Variants in SLAMF7 observed in about 807,000 individuals in gnomAD.
SLAMF7 encodes the protein 19A24 protein.
SLAMF7 carries 26 observed loss-of-function variants against 34.1 expected under a neutral mutation model. The observed-to-expected ratio is 0.76, with a 90% CI of 0.56 to 1.06. The LOEUF (loss-of-function observed/expected upper bound fraction) is 1.06. SLAMF7 is among the 50% of genes least tolerant of loss of function. The probability of loss-of-function intolerance (pLI) is 0.00; values close to 1 mark genes in which losing one functional copy is unlikely to be tolerated. For missense variants in SLAMF7, 399 were observed against 402.5 expected (o/e 0.99, Z 0.07); for synonymous variants, 171 against 156.4 (o/e 1.09, Z -0.70).
intron 2 of SLAMF7, among the ~76,000 whole-genome samples, chr1:160,749,412 C>T (rs1241464394): frequency 2.6e-5 from 4 of 151,968 alleles, no homozygotes; most frequent in East Asian, 3.9e-4. Context: ...AGGGCTACTC[C>T]AACACAATTT....
In SLAMF7 at chr1:160,748,428, A is replaced by AGAAT. The variant is rs762578129; in HGVS notation, c.293_296dup (p.Asp99GlufsTer2). 64 of 1,614,024 alleles carry AGAAT rather than the reference A, an allele frequency of 4.0e-5. No homozygotes were observed. The highest frequency in any genetic ancestry group is 5.4e-5 in the Non-Finnish European group (64 of 1,179,992). On this transcript the variant is annotated frameshift_variant, in exon 2 of 7. Coordinates refer to ENST00000368043, the MANE Select transcript of SLAMF7 (RefSeq NM_021181.5). LOFTEE classifies it high-confidence loss of function. ...TCCCTGAAGCTCAGCAAACTGAAGA[A>AGAAT]GAATGACTCAGGGATCTACTATGTG... is the stretch of plus-strand genomic sequence containing the variant.
rs774131594 is a variant in SLAMF7, at chr1:160,750,043, C to T, written c.599C>T (p.Pro200Leu). The T allele has an allele frequency of 4.3e-6, 7 of 1,614,036 alleles. No individual in the cohort carries two copies. The highest frequency in any genetic ancestry group is 5.9e-6 in the Non-Finnish European group (7 of 1,180,004). The stretch of plus-strand genomic sequence containing the variant: ...ACCTTCATCTGCGTTGCCAGGAACC[C>T]TGTCAGCAGAAACTTCTCAAGCCCC... Reference protein sequence around the residue: ...DMTFICVARNPVSRNFSSPIL... With the variant: ...DMTFICVARNLVSRNFSSPIL... The change falls in exon 3 of 7, where the codon CCT (proline) becomes CTT (leucine). Residue 200 changes from proline to leucine, a missense_variant. Coordinates refer to ENST00000368043, the MANE Select transcript of SLAMF7 (RefSeq NM_021181.5).
Position 160,752,169 on chromosome 1 carries a change from T to C in SLAMF7, c.874-17T>C. The C allele has an allele frequency of 6.2e-7, 1 of 1,606,410 alleles. No individual in the cohort carries two copies. The highest frequency in any genetic ancestry group is 8.5e-7 in the Non-Finnish European group (1 of 1,173,582). On this transcript the variant is annotated splice_polypyrimidine_tract_variant and intron_variant, in intron 5 of 6. Transcript: ENST00000368043. ...GGTGGGTGATGATTTCTTTTGTTTG[T>C]TGTTTGTTTTTAAAAGAGAACAATC...
intron 1 of SLAMF7, among the ~76,000 whole-genome samples, chr1:160,744,043 C>G (rs963884241): frequency 6.6e-6 from 1 of 152,168 alleles, no homozygotes; most frequent in Non-Finnish European, 1.5e-5. Flanking sequence ...CTACCAACTC[C>G]GTAAGTGCCA....
At chr1:160,740,203 C>A (rs1571098174) in intron 1 of SLAMF7, among the ~76,000 whole-genome samples, 1 of 151,928 alleles carries the variant, frequency 6.6e-6, no homozygotes, top group East Asian at 1.9e-4. Flanking sequence ...AGACTCTTAC[C>A]CACTTTGAAT....
intron 1 of SLAMF7, among the ~76,000 whole-genome samples, chr1:160,742,440 C>T (rs1211045806): frequency 6.6e-6 from 1 of 152,182 alleles, no homozygotes; most frequent in Non-Finnish European, 1.5e-5. Context: ...TGGGATATCT[C>T]TGTTTCTCAT....
At chr1:160,746,153 A>G (rs1001937388) in intron 1 of SLAMF7, among the ~76,000 whole-genome samples, 5 of 152,232 alleles carry the variant, frequency 3.3e-5, no homozygotes, top group Non-Finnish European at 5.9e-5. Flanking sequence ...AAGGCCCACG[A>G]TAGTTTTAAT....
rs556941779 is a variant in SLAMF7, at chr1:160,748,308, C to G, written c.170C>G (p.Thr57Arg). ...GACTCTATTGTCTGGACCTTCAACA[C>G]AACCCCTCTTGTCACCATACAGCCA... is the stretch of plus-strand genomic sequence containing the variant. ...QVDSIVWTFNTTPLVTIQPEG... is the reference protein window; with the variant it reads ...QVDSIVWTFNRTPLVTIQPEG... Residue 57 changes from threonine (T) to arginine (R), a missense_variant, in exon 2 of 7, where the codon ACA becomes AGA. Physicochemically the swap from Thr to Arg is moderately conservative, Grantham distance 71 (BLOSUM62 -1). Transcript: ENST00000368043. 6.2e-7 allele frequency: 1 copy of G among 1,614,122 alleles called. No individual in the cohort carries two copies. The highest frequency in any genetic ancestry group is 1.1e-5 in the South Asian group (1 of 91,082).
At chr1:160,741,955 GCCACA>G (rs1454437558) in intron 1 of SLAMF7, among the ~76,000 whole-genome samples, 70 of 152,240 alleles carry the variant, frequency 4.6e-4, no homozygotes, top group African/African-American at 1.6e-3. Context: ...TGAGGAGAGT[GCCACA>G]ACACACTGCT....
At chr1:160,739,183 A>T (rs370026555), upstream of SLAMF7, 1 of 881,346 alleles carries the variant, frequency 1.1e-6, no homozygotes, top group Admixed American at 1.7e-5. Context: ...CAATTACTCA[A>T]TCTCACATGT....
At chr1:160,742,550 C>T (rs1275709592) in intron 1 of SLAMF7, among the ~76,000 whole-genome samples, 2 of 152,214 alleles carry the variant, frequency 1.3e-5, no homozygotes, top group East Asian at 1.9e-4. Flanking sequence ...CGCATCCCAC[C>T]TTCTCGTTAG....
Position 160,752,221 on chromosome 1 carries a change from T to C in SLAMF7, c.909T>C (p.Val303=). 1 of 1,613,328 alleles carries C rather than the reference T, an allele frequency of 6.2e-7. No homozygotes were observed. The highest frequency in any genetic ancestry group is 1.1e-5 in the South Asian group (1 of 91,034). Residue 303 remains valine, a synonymous_variant, in exon 6 of 7, where the codon GTT becomes GTC. Coordinates refer to ENST00000368043, the MANE Select transcript of SLAMF7 (RefSeq NM_021181.5). The part of the protein sequence containing the change: ...TILKEDPANT[V]YSTVEIPKKM... ...TAAAGGAAGATCCAGCAAATACGGT[T>C]TACTCCACTGTGGAAATACCGAAAA... is the stretch of plus-strand genomic sequence containing the variant.
intron 4 of SLAMF7, 196 bp from the exon 5 acceptor site, chr1:160,751,149 G>C: frequency 1.8e-6 from 1 of 561,302 alleles, no homozygotes. Context: ...AAATGTTGGG[G>C]GTGGCCAATT....
chr1:160,743,813 C>T (rs1228101315), intron 1 of SLAMF7, among the ~76,000 whole-genome samples: 1 of 152,118 alleles, frequency 6.6e-6, no homozygotes, highest in African/African-American at 2.4e-5. Context: ...CTCAGCCTCT[C>T]GAGTATCTGG....
chr1:160,742,689 G>A (rs907110721), intron 1 of SLAMF7, among the ~76,000 whole-genome samples: 2 of 152,350 alleles, frequency 1.3e-5, no homozygotes, highest in East Asian at 3.9e-4. Context: ...GAAGTGGTAA[G>A]TGGTGAAGCA....
intron 1 of SLAMF7, 116 bp from the exon 2 acceptor site, chr1:160,748,078 A>G: frequency 2.0e-6 from 2 of 978,926 alleles, no homozygotes; most frequent in Non-Finnish European, 3.0e-6. Context: ...CTTTTCCAGG[A>G]GGTTGTTGTG....
rs1287539426 is a variant in SLAMF7 at position 160,752,975 on chromosome 1, G to T, written c.937-131G>T. The T allele has an allele frequency of 7.0e-6, 5 of 718,666 alleles. No individual in the cohort carries two copies. The African/African-American group carries it at 7.0e-5, about 10-fold the overall frequency. The allele number at this position is 718,666 out of a possible 1,614,324, so 44.5% of individuals were successfully genotyped here. A position where few individuals can be genotyped will look rare whatever the true frequency, so the allele number is the denominator to read the frequency against. ...CTAGGGGTGATTAAAATCAAACAGTGGGAGCCAGCATGCCAGCCGATTTGG... is the reference window on the plus strand; with the variant it reads ...CTAGGGGTGATTAAAATCAAACAGTTGGAGCCAGCATGCCAGCCGATTTGG... On this transcript the variant is annotated intron_variant, in intron 6 of 6. Coordinates refer to ENST00000368043, the MANE Select transcript of SLAMF7 (RefSeq NM_021181.5).
Position 160,749,953 on chromosome 1 carries a change from C to A in SLAMF7, c.509C>A (p.Ala170Glu). ...TATACCTGGAAGGCCCTGGGGCAAG[C>A]AGCCAATGAGTCCCATAATGGGTCC... ...VIYTWKALGQAANESHNGSIL... is the reference protein window; with the variant it reads ...VIYTWKALGQEANESHNGSIL... The change falls in exon 3 of 7, where the codon GCA becomes GAA. Residue 170 changes from alanine (A) to glutamate (E), a missense_variant. Physicochemically the swap from Ala to Glu is moderately radical, Grantham distance 107. Transcript: ENST00000368043. 6.2e-7 allele frequency: 1 copy of A among 1,614,146 alleles called. No individual in the cohort carries two copies. The highest frequency in any genetic ancestry group is 1.3e-5 in the African/African-American group (1 of 75,052).
chr1:160,746,656 A>T (rs963195978), intron 1 of SLAMF7, among the ~76,000 whole-genome samples: 2 of 152,254 alleles, frequency 1.3e-5, no homozygotes, highest in Non-Finnish European at 2.9e-5. Flanking sequence ...CAAAAGAATA[A>T]GAATATTTTG....
Sources: allele counts gnomAD v4.1 joint callset (sites outside exome capture counted in the v4.1 genomes callset), GRCh38; gene constraint gnomAD v4.1.1; transcripts MANE v1.5; gene names NCBI Gene and HGNC (gene_info 2026-07-23, HGNC 2026-07-21).